GRIK3: variants seen among roughly 807,000 people sequenced by gnomAD.
GRIK3 encodes the protein glutamate receptor ionotropic, kainate 3.
GRIK3 carries 29 observed loss-of-function variants against 102.5 expected under a neutral mutation model. The observed-to-expected ratio is 0.28, with a 90% CI of 0.21 to 0.39. The LOEUF (loss-of-function observed/expected upper bound fraction) is 0.39. GRIK3 is among the 10% of genes least tolerant of loss of function. The probability of loss-of-function intolerance (pLI) is 1.00; values close to 1 mark genes in which losing one functional copy is unlikely to be tolerated. For synonymous variants in GRIK3, 511 were observed against 504.9 expected, an observed-to-expected ratio of 1.01 and a Z score of -0.16; for missense variants, 908 against 1,252.4, an observed-to-expected ratio of 0.73 and a Z score of 4.15.
chr1:36,956,898 A>G (rs920467751), intron 1 of GRIK3, among the ~76,000 whole-genome samples: 2 of 152,282 alleles, frequency 1.3e-5, no homozygotes, highest in African/African-American at 2.4e-5. Context: ...GAGAGCAGTC[A>G]TTCATTGTTC....
At chr1:36,966,456 G>T (rs1642079390) in intron 1 of GRIK3, among the ~76,000 whole-genome samples, 2 of 152,158 alleles carry the variant, frequency 1.3e-5, no homozygotes, top group Admixed American at 1.3e-4. Context: ...TGGCTGGGAG[G>T]TCAGCACCAG....
chr1:36,968,360 A>G (rs1642102712), intron 1 of GRIK3, among the ~76,000 whole-genome samples: 1 of 150,276 alleles, frequency 6.7e-6, no homozygotes, highest in Non-Finnish European at 1.5e-5. Context: ...CACTACCACT[A>G]CCCCGCAGGG....
At chr1:36,960,926 G>C (rs529712145) in intron 1 of GRIK3, among the ~76,000 whole-genome samples, 1 of 152,334 alleles carries the variant, frequency 6.6e-6, no homozygotes, top group East Asian at 1.9e-4. Flanking sequence ...AGAGGAAAGA[G>C]TGCTGATTTG....
chr1:36,869,605 T>C (rs950717296), intron 5 of GRIK3, 143 bp downstream of exon 5: 5 of 681,736 alleles, frequency 7.3e-6, no homozygotes, highest in Middle Eastern at 2.5e-4. Context: ...AAAGACATAT[T>C]TGTGCCCTTA....
intron 1 of GRIK3, among the ~76,000 whole-genome samples, chr1:36,947,102 G>T (rs779979400): frequency 1.3e-5 from 2 of 152,086 alleles, no homozygotes; most frequent in Non-Finnish European, 2.9e-5. Context: ...AGGCTCAAGG[G>T]GAGGAGAGGG....
chr1:36,818,629 T>C (rs1306205668), intron 12 of GRIK3, among the ~76,000 whole-genome samples: 1 of 152,206 alleles, frequency 6.6e-6, no homozygotes, highest in African/African-American at 2.4e-5. Context: ...AGATTTGCTT[T>C]TTTCCTCTCC....
intron 1 of GRIK3, among the ~76,000 whole-genome samples, chr1:36,960,145 G>C (rs141768953): frequency 8.2e-5 from 11 of 133,952 alleles, no homozygotes; most frequent in African/African-American, 2.5e-4. Context: ...TGTGCCCCTT[G>C]AGCCTGTGTG....
intron 1 of GRIK3, among the ~76,000 whole-genome samples, chr1:36,986,930 G>A (rs769634367): frequency 2.0e-5 from 3 of 152,106 alleles, no homozygotes; most frequent in Non-Finnish European, 4.4e-5. Context: ...TTCAGATCTC[G>A]GTCTAGGAAT....
chr1:36,965,706 TC>T (rs1353253944), intron 1 of GRIK3, among the ~76,000 whole-genome samples: 2 of 152,176 alleles, frequency 1.3e-5, no homozygotes, highest in East Asian at 1.9e-4. Flanking sequence ...TTAGATTGAG[TC>T]CCAACGGGAA....
At chr1:36,877,919 A>G (rs1640927563) in intron 3 of GRIK3, among the ~76,000 whole-genome samples, 1 of 152,182 alleles carries the variant, frequency 6.6e-6, no homozygotes, top group African/African-American at 2.4e-5. Flanking sequence ...ATTATGTGTG[A>G]CCTCTGGGCA....
chr1:36,997,363 G>A (rs1642431556), intron 1 of GRIK3, among the ~76,000 whole-genome samples: 1 of 152,236 alleles, frequency 6.6e-6, no homozygotes, highest in South Asian at 2.1e-4. Context: ...TTGTATGCAA[G>A]AGAAACACCT....
intron 1 of GRIK3, among the ~76,000 whole-genome samples, chr1:37,008,603 G>T (rs920382917): frequency 5.3e-5 from 8 of 152,302 alleles, no homozygotes; most frequent in African/African-American, 1.2e-4. Flanking sequence ...ATGAAGAGAC[G>T]GGGACACAGG....
chr1:36,869,915 T>C, intron 4 of GRIK3, 114 bp from the exon 5 acceptor site: 1 of 737,706 alleles, frequency 1.4e-6, no homozygotes, highest in Non-Finnish European at 2.4e-6. Flanking sequence ...GCTGGCTGCT[T>C]GGAGTAAGGT....
chr1:36,839,233 A>G (rs760612623), intron 10 of GRIK3, among the ~76,000 whole-genome samples: 21 of 152,194 alleles, frequency 1.4e-4, no homozygotes, highest in Non-Finnish European at 2.9e-4. Flanking sequence ...CCAGAGCCCC[A>G]GACTCCAAGC....
At chr1:36,812,991 G>C in intron 13 of GRIK3, among the ~76,000 whole-genome samples, 1 of 152,200 alleles carries the variant, frequency 6.6e-6, no homozygotes, top group East Asian at 1.9e-4. Context: ...GAGCAACTAC[G>C]ACGTGCCAGG....
At chr1:36,933,242 T>C (rs1256573522) in intron 1 of GRIK3, among the ~76,000 whole-genome samples, 1 of 152,152 alleles carries the variant, frequency 6.6e-6, no homozygotes, top group Non-Finnish European at 1.5e-5. Context: ...CCCCTGCCAT[T>C]CCCCACCTCT....
intron 1 of GRIK3, among the ~76,000 whole-genome samples, chr1:36,991,641 C>T (rs1642364654): frequency 6.6e-6 from 1 of 152,204 alleles, no homozygotes; most frequent in African/African-American, 2.4e-5. Context: ...CTCACTGACT[C>T]CAAAGGGAGC....
At position 37,008,490 on chromosome 1, in the gene GRIK3, T is replaced by C. The variant is rs184712161; in HGVS notation, c.115+25504A>G. ...CAACTTTACTGTGTGTTCAAAATCT[T>C]TCATAATTAAATGATGGAGAAAAAA... On this transcript the variant is annotated intron_variant, in intron 1 of 15. Transcript: ENST00000373091. Among the ~76,000 whole-genome samples, 36 of 152,356 alleles carry C rather than the reference T, an allele frequency of 2.4e-4. 1 individual carries two copies. The highest frequency in any genetic ancestry group is 2.2e-3 in the Admixed American group (33 of 15,314).
At chr1:37,007,508 C>A (rs1030459967) in intron 1 of GRIK3, among the ~76,000 whole-genome samples, 2 of 152,100 alleles carry the variant, frequency 1.3e-5, no homozygotes, top group African/African-American at 4.8e-5. Flanking sequence ...AGAAAGAGGA[C>A]GAAATGAACA....
Sources: allele counts gnomAD v4.1 joint callset (sites outside exome capture counted in the v4.1 genomes callset), GRCh38; gene constraint gnomAD v4.1.1; transcripts MANE v1.5; gene names NCBI Gene and HGNC (gene_info 2026-07-23, HGNC 2026-07-21).